BRF1: variants seen among roughly 807,000 people sequenced by gnomAD.
The protein encoded by BRF1 is transcription factor IIIB 90 kDa subunit.
Under a neutral mutation model 81.7 loss-of-function variants are expected in BRF1, and 59 were observed. The ratio of observed to expected loss-of-function variants is 0.72; its 90% CI spans 0.59 to 0.90. The LOEUF (loss-of-function observed/expected upper bound fraction) is 0.90. Ranked by LOEUF, BRF1 falls within the 40% of genes least tolerant of loss-of-function variation. The probability of loss-of-function intolerance (pLI) is 0.00; values close to 1 mark genes in which losing one functional copy is unlikely to be tolerated. For synonymous variants in BRF1, 491 were observed against 395.6 expected, an observed-to-expected ratio of 1.24 and a Z score of -2.86; for missense variants, 1,050 against 936.3, an observed-to-expected ratio of 1.12 and a Z score of -1.58.
At chr14:105,247,515 T>G (rs990065462) in intron 5 of BRF1, 11 of 985,296 alleles carry the variant, frequency 1.1e-5, no homozygotes, top group Non-Finnish European at 1.3e-5. Flanking sequence ...TGGAGAGTCC[T>G]TTGTTGAAAA....
chr14:105,248,639 G>C (rs2055329878), intron 5 of BRF1: 1 of 980,108 alleles, frequency 1.0e-6, no homozygotes, highest in Non-Finnish European at 1.2e-6. Flanking sequence ...GGCTGGGCTC[G>C]GGCAGGGTCG....
chr14:105,297,345 G>A lies in BRF1; in HGVS notation c.184+3101C>T, dbSNP rs145542387. Among the ~76,000 whole-genome samples, 1,062 of 151,432 alleles carry A rather than the reference G, an allele frequency of 7.0e-3. 7 individuals carry two copies. The highest frequency in any genetic ancestry group is 0.014 in the East Asian group (71 of 5,042). On this transcript the variant is annotated intron_variant, in intron 1 of 17. Coordinates refer to ENST00000547530, the MANE Select transcript of BRF1 (RefSeq NM_001519.4). ...GCACTTTGGGAGGCCGAAGAGGGCG[G>A]ATCACGAGGTCAGGAGTTCGAGACC... is the stretch of plus-strand genomic sequence containing the variant.
chr14:105,249,761 T>C lies in BRF1; in HGVS notation c.544+2746A>G, dbSNP rs138822011. 18 of 1,613,866 alleles carry C rather than the reference T, an allele frequency of 1.1e-5. No individual in the cohort carries two copies. The East Asian group carries it at 1.8e-4, about 16-fold the overall frequency. On this transcript the variant is annotated intron_variant, in intron 5 of 17. Coordinates refer to ENST00000547530, the MANE Select transcript of BRF1 (RefSeq NM_001519.4). ...CTGTGTCAACTTTCTGGAGACAAGT[T>C]TGGAAGCCAAGAACGCCTGCGTCCT...
At chr14:105,297,851 C>A (rs1353584805) in intron 1 of BRF1, among the ~76,000 whole-genome samples, 2 of 152,144 alleles carry the variant, frequency 1.3e-5, no homozygotes, top group Non-Finnish European at 2.9e-5. Context: ...AAAAAATTAG[C>A]CGGGCGTGGT....
chr14:105,310,036 G>A (rs1011093653), intron 1 of BRF1, among the ~76,000 whole-genome samples: 27 of 151,360 alleles, frequency 1.8e-4, no homozygotes, highest in African/African-American at 4.4e-4. Flanking sequence ...CACCCGCCTC[G>A]GCCTCCCAAA....
chr14:105,217,217 G>T (rs1164074354), intron 15 of BRF1: 2 of 466,002 alleles, frequency 4.3e-6, no homozygotes, highest in African/African-American at 3.9e-5. Flanking sequence ...CAGGGCTGGG[G>T]ACTCTTCTTC....
intron 16 of BRF1, chr14:105,211,742 C>T: frequency 5.2e-6 from 2 of 385,344 alleles, no homozygotes; most frequent in South Asian, 3.0e-5. Context: ...GACCAGTCCC[C>T]AACAAGTGAC....
chr14:105,288,568 T>C (rs1405215362), intron 1 of BRF1, among the ~76,000 whole-genome samples: 3 of 151,628 alleles, frequency 2.0e-5, no homozygotes, highest in African/African-American at 7.3e-5. Context: ...AGCAGGAAGA[T>C]CGCCCAACCC....
Position 105,228,718 on chromosome 14 carries a change from A to G in BRF1, c.788+102T>C, listed in dbSNP as rs1595323021. 8 of 1,331,046 alleles carry G rather than the reference A, an allele frequency of 6.0e-6. No individual in the cohort carries two copies. In the East Asian group the frequency reaches 1.2e-4, roughly 19 times the overall value. 82.5% of individuals were successfully genotyped at this position (1,331,046 alleles called of 1,614,324 possible). A position where few individuals can be genotyped will look rare whatever the true frequency, so the allele number is the denominator to read the frequency against. On this transcript the variant is annotated intron_variant, in intron 7 of 17. Transcript: ENST00000547530. ...GTCCTGGCCAGCAGCCAGGCGGGGG[A>G]CGGCAGGGTCCCGGGAGGTGGCGCC...
intron 2 of BRF1, 149 bp from the exon 3 acceptor site, chr14:105,273,043 C>CT: frequency 1.1e-6 from 1 of 907,542 alleles, no homozygotes; most frequent in Non-Finnish European, 1.6e-6. Flanking sequence ...GTTCCAATCA[C>CT]TTTTTATTTA....
chr14:105,228,812 C>T lies in BRF1; in HGVS notation c.788+8G>A, dbSNP rs754822381. On this transcript the variant is annotated splice_region_variant and intron_variant, in intron 7 of 17. Transcript: ENST00000547530. The stretch of plus-strand genomic sequence containing the variant: ...GTGGTCCCCATGCCATGAATGAGAG[C>T]CCCTCACCTCTTCCGCAGCGTGGAC... 3.7e-6 allele frequency: 6 copies of T among 1,613,554 alleles called. No homozygotes were observed. Among genetic ancestry groups the T allele is most frequent in the Non-Finnish European group, 5.1e-6 (6 of 1,179,936 alleles).
chr14:105,245,680 G>T (rs950638539), intron 5 of BRF1, among the ~76,000 whole-genome samples: 1 of 152,122 alleles, frequency 6.6e-6, no homozygotes, highest in Admixed American at 6.6e-5. Flanking sequence ...ATGGGGAAAG[G>T]ATGGTCTCTT....
At position 105,209,878 on chromosome 14, in the gene BRF1, C is replaced by G. The variant is rs587594766; in HGVS notation, c.*673G>C. ...GTGGCCCTGGAGCAGGGGTCTGACC[C>G]CCATGCTGCTCCAGGCGGTGCAGGC... On this transcript the variant is annotated 3_prime_UTR_variant, in exon 18 of 18. Coordinates refer to ENST00000547530, the MANE Select transcript of BRF1 (RefSeq NM_001519.4). 644 of 448,524 alleles carry G rather than the reference C, an allele frequency of 1.4e-3. 4 individuals are homozygous for G. The highest frequency in any genetic ancestry group is 0.012 in the African/African-American group (585 of 49,022). 27.8% of individuals were successfully genotyped at this position (448,524 alleles called of 1,614,324 possible).
intron 4 of BRF1, 47 bp from the exon 5 acceptor site, chr14:105,252,626 A>G (rs1192787283): frequency 6.3e-7 from 1 of 1,588,746 alleles, no homozygotes; most frequent in Non-Finnish European, 8.6e-7. Flanking sequence ...TATTTAAGGA[A>G]ATGTTTGCTT....
At chr14:105,219,909 G>T (rs1425179876) in intron 12 of BRF1, 160 bp downstream of exon 12, 2 of 743,380 alleles carry the variant, frequency 2.7e-6, no homozygotes, top group African/African-American at 3.5e-5. Context: ...TGTGGGGGGG[G>T]GTCCCGGGAA....
chr14:105,264,273 C>A (rs2056298009), intron 3 of BRF1, among the ~76,000 whole-genome samples: 1 of 151,766 alleles, frequency 6.6e-6, no homozygotes, highest in Admixed American at 6.6e-5. Context: ...GAGTTCAAGA[C>A]CAGGCTGGGC....
chr14:105,222,007 C>A, intron 10 of BRF1, 93 bp from the exon 11 acceptor site: 1 of 1,450,822 alleles, frequency 6.9e-7, no homozygotes. Context: ...CCAGGTAACC[C>A]ATAGAACGGC....
intron 5 of BRF1, chr14:105,247,354 C>G (rs587655883): frequency 1.0e-6 from 1 of 985,374 alleles, no homozygotes; most frequent in Non-Finnish European, 1.2e-6. Context: ...CAAGTTCAGC[C>G]GCCTGGGGGC....
intron 10 of BRF1, among the ~76,000 whole-genome samples, chr14:105,225,190 G>C (rs980382574): frequency 6.6e-6 from 1 of 152,192 alleles, no homozygotes; most frequent in Non-Finnish European, 1.5e-5. Context: ...TCCTGCAACA[G>C]CCTCCCTACC....
Sources: allele counts gnomAD v4.1 joint callset (sites outside exome capture counted in the v4.1 genomes callset), GRCh38; gene constraint gnomAD v4.1.1; transcripts MANE v1.5; gene names NCBI Gene and HGNC (gene_info 2026-07-23, HGNC 2026-07-21).